The following GRID2 variants were observed in gnomAD, a reference collection of about 807,000 sequenced individuals.
GRID2 encodes glutamate receptor ionotropic, delta-2.
A neutral mutation model predicts 114.8 loss-of-function variants in GRID2; 33 were observed. The ratio of observed to expected loss-of-function variants is 0.29; its 90% CI spans 0.22 to 0.38. The LOEUF is 0.38. GRID2 is among the 10% of genes least tolerant of loss of function. The probability of loss-of-function intolerance (pLI) is 1.00; values close to 1 mark genes in which losing one functional copy is unlikely to be tolerated. For synonymous variants in GRID2, 505 were observed against 449.9 expected (o/e 1.12, Z -1.55); for missense variants, 1,184 against 1,257.7 (o/e 0.94, Z 0.89).
intron 2 of GRID2, among the ~76,000 whole-genome samples, chr4:93,023,760 A>G (rs1469250483): frequency 3.3e-5 from 5 of 151,808 alleles, no homozygotes; most frequent in Non-Finnish European, 7.4e-5. Context: ...TGGGTGTTAC[A>G]TTTTGTTTCT....
intron 2 of GRID2, among the ~76,000 whole-genome samples, chr4:92,705,893 G>A (rs190849583): frequency 2.0e-5 from 3 of 152,284 alleles, no homozygotes; most frequent in Admixed American, 6.5e-5. Flanking sequence ...TAGGACCTTG[G>A]ATTTGGGCAG....
intron 2 of GRID2, among the ~76,000 whole-genome samples, chr4:92,962,309 A>G (rs1043299632): frequency 1.3e-4 from 19 of 151,796 alleles, no homozygotes; most frequent in Non-Finnish European, 1.6e-4. Context: ...TGTGGTGGTA[A>G]GGTGTGGTCC....
In GRID2 at chr4:93,401,013, C is replaced by G. The variant is rs192620531; in HGVS notation, c.1347+5305C>G. On this transcript the variant is annotated intron_variant, in intron 9 of 15. Coordinates refer to ENST00000282020, the MANE Select transcript of GRID2 (RefSeq NM_001510.4). ...CACCGTGCCTGACTAATTTATTTTT[C>G]GTAGAGACAGGGGCTCGCTATGTTG... Among the ~76,000 whole-genome samples the G allele has an allele frequency of 3.9e-5, 6 of 151,970 alleles. No individual in the cohort carries two copies. The East Asian group carries it at 1.2e-3, about 30-fold the overall frequency.
At chr4:92,367,125 A>G (rs987256316) in intron 1 of GRID2, among the ~76,000 whole-genome samples, 9 of 152,074 alleles carry the variant, frequency 5.9e-5, no homozygotes, top group African/African-American at 2.2e-4. Flanking sequence ...GATTCAAATT[A>G]TGCACTGTTG....
intron 10 of GRID2, among the ~76,000 whole-genome samples, chr4:93,438,081 C>T: frequency 6.6e-6 from 1 of 152,018 alleles, no homozygotes; most frequent in East Asian, 1.9e-4. Context: ...CAGCAGAATG[C>T]CCTAAATTCA....
At chr4:92,814,488 T>C (rs987906372) in intron 2 of GRID2, among the ~76,000 whole-genome samples, 1 of 152,090 alleles carries the variant, frequency 6.6e-6, no homozygotes, top group Non-Finnish European at 1.5e-5. Flanking sequence ...CACTGGCTGG[T>C]GGACAAATTG....
At chr4:93,463,749 G>A (rs1318609193) in intron 11 of GRID2, among the ~76,000 whole-genome samples, 2 of 151,984 alleles carry the variant, frequency 1.3e-5, no homozygotes, top group African/African-American at 4.8e-5. Context: ...CAGCATTTTG[G>A]GAGGCCAAGG....
chr4:92,920,247 ACGT>A, intron 2 of GRID2, among the ~76,000 whole-genome samples: 1 of 152,204 alleles, frequency 6.6e-6, no homozygotes, highest in South Asian at 2.1e-4. Context: ...GTATCTCTGC[ACGT>A]GAGATAGGTT....
intron 2 of GRID2, among the ~76,000 whole-genome samples, chr4:92,663,903 T>C (rs1013805455): frequency 2.0e-5 from 3 of 151,260 alleles, no homozygotes; most frequent in South Asian, 2.1e-4. Flanking sequence ...ATTTGTCCTG[T>C]TGTGATCTGT....
rs575559598 is a variant in GRID2 at position 93,517,805 on chromosome 4, A to G, written c.2193+2394A>G. Among the ~76,000 whole-genome samples, 4 of 151,782 alleles carry G rather than the reference A, an allele frequency of 2.6e-5. No individual in the cohort carries two copies. In the South Asian group the frequency reaches 8.3e-4, roughly 31 times the overall value. On this transcript the variant is annotated intron_variant, in intron 13 of 15. Coordinates refer to ENST00000282020, the MANE Select transcript of GRID2 (RefSeq NM_001510.4). Reference sequence around the variant, plus strand: ...TCTGTCATTGATTTCTAATTTATACAGGCAGATAAGACATCAGAGGTCTTT... The same window carrying G: ...TCTGTCATTGATTTCTAATTTATACGGGCAGATAAGACATCAGAGGTCTTT...
At chr4:93,310,630 G>A (rs1755914017) in intron 8 of GRID2, among the ~76,000 whole-genome samples, 1 of 152,170 alleles carries the variant, frequency 6.6e-6, no homozygotes, top group African/African-American at 2.4e-5. Flanking sequence ...TGAAAGTGTT[G>A]AATTCCCCAG....
intron 2 of GRID2, among the ~76,000 whole-genome samples, chr4:92,940,181 A>G (rs1304548928): frequency 6.8e-6 from 1 of 147,018 alleles, no homozygotes; most frequent in East Asian, 2.2e-4. Context: ...CACAATATTG[A>G]TTCTTCCTAC....
intron 2 of GRID2, among the ~76,000 whole-genome samples, chr4:92,802,577 A>G (rs1740226079): frequency 6.6e-6 from 1 of 151,874 alleles, no homozygotes; most frequent in Admixed American, 6.6e-5. Context: ...ACAGCCATTG[A>G]ACCAATTCCA....
At chr4:93,668,470 G>A (rs1024081072) in intron 14 of GRID2, among the ~76,000 whole-genome samples, 1 of 151,594 alleles carries the variant, frequency 6.6e-6, no homozygotes, top group Non-Finnish European at 1.5e-5. Context: ...TATTTCAAAT[G>A]CAATTTATTT....
chr4:92,755,089 G>T (rs1004757171), intron 2 of GRID2, among the ~76,000 whole-genome samples: 2 of 152,146 alleles, frequency 1.3e-5, no homozygotes, highest in African/African-American at 4.8e-5. Flanking sequence ...TCCATGAGCT[G>T]CAGGCAGAGC....
At chr4:92,935,414 G>A (rs1490327572) in intron 2 of GRID2, among the ~76,000 whole-genome samples, 2 of 146,588 alleles carry the variant, frequency 1.4e-5, no homozygotes, top group African/African-American at 4.9e-5. Flanking sequence ...TGGAGAAATA[G>A]GAACACTTTT....
chr4:92,502,042 G>A (rs1280920259), intron 1 of GRID2, among the ~76,000 whole-genome samples: 1 of 151,840 alleles, frequency 6.6e-6, no homozygotes, highest in Non-Finnish European at 1.5e-5. Flanking sequence ...ACTAATATAT[G>A]TATCTGTTTA....
chr4:93,275,543 G>C (rs1446200535), intron 8 of GRID2, among the ~76,000 whole-genome samples: 1 of 151,598 alleles, frequency 6.6e-6, no homozygotes, highest in Non-Finnish European at 1.5e-5. Context: ...ATACTGTTTA[G>C]TGTCTCCATT....
At chr4:92,329,099 A>AT (rs1215151067) in intron 1 of GRID2, among the ~76,000 whole-genome samples, 4 of 151,884 alleles carry the variant, frequency 2.6e-5, no homozygotes, top group Non-Finnish European at 4.4e-5. Context: ...CATAATAGTC[A>AT]TTTTTTCCAT....
Sources: gnomAD v4.1 joint callset for allele counts (sites outside exome capture counted in the v4.1 genomes callset) on GRCh38, gnomAD v4.1.1 for gene constraint, MANE v1.5 for transcripts, NCBI Gene and HGNC (gene_info 2026-07-23, HGNC 2026-07-21) for gene names.